Variants in ELAPOR1 observed in about 807,000 individuals in gnomAD.
ELAPOR1 encodes endosome/lysosome-associated apoptosis and autophagy regulator 1.
A neutral mutation model predicts 119.7 loss-of-function variants in ELAPOR1; 77 were observed. The observed-to-expected ratio is 0.64, with a 90% confidence interval of 0.54 to 0.78. ELAPOR1 has a LOEUF of 0.78. ELAPOR1 is among the 30% of genes least tolerant of loss of function. The pLI is 0.00. For synonymous variants in ELAPOR1, 481 were observed against 487.2 expected, an observed-to-expected ratio of 0.99 and a Z score of 0.17; for missense variants, 1,115 against 1,270.4, an observed-to-expected ratio of 0.88 and a Z score of 1.86.
intron 1 of ELAPOR1, among the ~76,000 whole-genome samples, chr1:109,154,601 C>G (rs2101026519): frequency 2.0e-5 from 3 of 152,338 alleles, no homozygotes. Context: ...GAGGGGCTTT[C>G]CAGACAGTCT....
intron 7 of ELAPOR1, among the ~76,000 whole-genome samples, chr1:109,177,154 G>C (rs1285116069): frequency 1.3e-5 from 2 of 150,426 alleles, no homozygotes; most frequent in Non-Finnish European, 3.0e-5. Flanking sequence ...GCCGGGCAGA[G>C]GGGCTCCTCA....
intron 1 of ELAPOR1, among the ~76,000 whole-genome samples, chr1:109,120,476 A>G (rs1207016112): frequency 6.6e-6 from 1 of 152,188 alleles, no homozygotes; most frequent in Admixed American, 6.5e-5. Context: ...GAGGACACGT[A>G]GACAGCACCA....
intron 13 of ELAPOR1, 89 bp from the exon 14 acceptor site, chr1:109,192,522 A>C (rs1242380567): frequency 7.4e-7 from 1 of 1,348,930 alleles, no homozygotes; most frequent in East Asian, 2.3e-5. Context: ...ACAGGATAGA[A>C]GATTAAGTAC....
chr1:109,144,061 A>ATATATAT lies in ELAPOR1; in HGVS notation c.154-17832_154-17831insATATATT. 1.3e-3 allele frequency among the ~76,000 whole-genome samples: 115 copies of ATATATAT among 88,970 alleles called. 5 individuals are homozygous for ATATATAT. Among genetic ancestry groups the ATATATAT allele is most frequent in the South Asian group, 4.2e-3 (12 of 2,836 alleles). 58.4% of individuals were successfully genotyped at this position (88,970 alleles called of 152,430 possible). A position where few individuals can be genotyped will look rare whatever the true frequency, so the allele number is the denominator to read the frequency against. On this transcript the variant is annotated intron_variant, in intron 1 of 21. Transcript: ENST00000369939. The stretch of plus-strand genomic sequence containing the variant: ...TATATATATATATATATATTTATAT[A>ATATATAT]TTTTTTTTTTTTTTTGAGATGGAGT...
At chr1:109,138,787 T>C (rs1649645018) in intron 1 of ELAPOR1, among the ~76,000 whole-genome samples, 1 of 131,442 alleles carries the variant, frequency 7.6e-6, no homozygotes, top group Non-Finnish European at 1.5e-5. Flanking sequence ...TGAGCCGAGA[T>C]CACGCCATTG....
Position 109,167,311 on chromosome 1 carries a change from G to A in ELAPOR1, c.467+2620G>A, listed in dbSNP as rs188455523. On this transcript the variant is annotated intron_variant, in intron 3 of 21. Transcript: ENST00000369939. ...ATAACAACTTGTGTTTCCACCGCAC[G>A]GACTATTTCAGGGCCTGCATCTTAA... Among the ~76,000 whole-genome samples the A allele has an allele frequency of 3.0e-3, 451 of 152,144 alleles. 7 individuals are homozygous for A. The highest frequency in any genetic ancestry group is 1.0e-3 in the Non-Finnish European group (70 of 68,006).
intron 1 of ELAPOR1, among the ~76,000 whole-genome samples, chr1:109,132,338 G>T (rs955553942): frequency 1.2e-4 from 18 of 152,022 alleles, no homozygotes; most frequent in African/African-American, 4.3e-4. Context: ...AGCAGAGATG[G>T]GGTTTCACCA....
At chr1:109,175,114 G>A (rs977287789) in intron 7 of ELAPOR1, among the ~76,000 whole-genome samples, 1 of 151,888 alleles carries the variant, frequency 6.6e-6, no homozygotes, top group Non-Finnish European at 1.5e-5. Flanking sequence ...TCCTGCCTCA[G>A]CCTTCCAAAG....
chr1:109,200,982 C>A, intron 21 of ELAPOR1, 82 bp downstream of exon 21: 1 of 1,392,042 alleles, frequency 7.2e-7, no homozygotes, highest in Non-Finnish European at 9.8e-7. Context: ...TGGTCCTGTA[C>A]CGTTCAGGGA....
chr1:109,123,806 T>A (rs187016055), intron 1 of ELAPOR1, among the ~76,000 whole-genome samples: 52 of 152,344 alleles, frequency 3.4e-4, no homozygotes, highest in Non-Finnish European at 6.3e-4. Flanking sequence ...TATAAATATA[T>A]ACTTTTTTTT....
intron 1 of ELAPOR1, among the ~76,000 whole-genome samples, chr1:109,117,281 T>C (rs619816): frequency 0.41 from 62,984 of 152,104 alleles, 14,557 homozygotes; most frequent in African/African-American, 0.63. Flanking sequence ...CTAAACATCC[T>C]GTATGATATT....
At chr1:109,152,048 A>AT (rs918562452) in intron 1 of ELAPOR1, among the ~76,000 whole-genome samples, 6 of 151,634 alleles carry the variant, frequency 4.0e-5, no homozygotes, top group African/African-American at 1.5e-4. Flanking sequence ...TAATTTTTAT[A>AT]TTTTTTTGTA....
At chr1:109,188,920 C>G in intron 9 of ELAPOR1, 146 bp from the exon 10 acceptor site, 1 of 844,692 alleles carries the variant, frequency 1.2e-6, no homozygotes, top group Non-Finnish European at 1.8e-6. Context: ...TTTGAGTCAA[C>G]TTGATACAAC....
intron 1 of ELAPOR1, among the ~76,000 whole-genome samples, chr1:109,150,484 G>A (rs1214151048): frequency 6.6e-6 from 1 of 152,150 alleles, no homozygotes; most frequent in Non-Finnish European, 1.5e-5. Context: ...TGCTGGGTCT[G>A]GTGCTTGCTC....
intron 1 of ELAPOR1, among the ~76,000 whole-genome samples, chr1:109,156,446 G>A (rs548128305): frequency 7.9e-5 from 12 of 152,068 alleles, no homozygotes; most frequent in African/African-American, 2.7e-4. Context: ...CCACAGAACT[G>A]TCTTACAAAA....
chr1:109,136,381 C>T (rs1044031445), intron 1 of ELAPOR1, among the ~76,000 whole-genome samples: 1 of 152,098 alleles, frequency 6.6e-6, no homozygotes, highest in Non-Finnish European at 1.5e-5. Flanking sequence ...GGCTGGCTGT[C>T]CCCCGAAGCC....
intron 13 of ELAPOR1, among the ~76,000 whole-genome samples, chr1:109,192,180 G>T (rs1033744640): frequency 6.6e-6 from 1 of 152,088 alleles, no homozygotes; most frequent in Non-Finnish European, 1.5e-5. Flanking sequence ...AGGAATACAG[G>T]CTCATTGCAG....
chr1:109,173,891 C>A, intron 7 of ELAPOR1, 54 bp downstream of exon 7: 1 of 1,582,440 alleles, frequency 6.3e-7, no homozygotes, highest in Non-Finnish European at 8.6e-7. Flanking sequence ...CACCAAAACA[C>A]ACAAGGAGAT....
At chr1:109,165,748 CTT>C (rs757259868) in intron 3 of ELAPOR1, among the ~76,000 whole-genome samples, 5 of 135,396 alleles carry the variant, frequency 3.7e-5, no homozygotes, top group Non-Finnish European at 3.1e-5. Flanking sequence ...TCTTCTTCTT[CTT>C]TTTTTTTTTT....
Sources: allele counts gnomAD v4.1 joint callset (sites outside exome capture counted in the v4.1 genomes callset), GRCh38; gene constraint gnomAD v4.1.1; transcripts MANE v1.5; gene names NCBI Gene and HGNC (gene_info 2026-07-23, HGNC 2026-07-21).